The following PARD3 variants were observed in gnomAD, a reference collection of about 807,000 sequenced individuals.
PARD3 encodes partitioning defective 3 homolog.
A neutral mutation model predicts 155.4 loss-of-function variants in PARD3; 75 were observed. The ratio of observed to expected loss-of-function variants is 0.48; its 90% confidence interval spans 0.40 to 0.58. The LOEUF is 0.58. PARD3 is among the 20% of genes least tolerant of loss of function. PARD3 has a pLI of 0.00. For missense variants in PARD3, 1,642 were observed against 1,721.7 expected (o/e 0.95, Z 0.82); for synonymous variants, 576 against 610.5 (o/e 0.94, Z 0.83).
chr10:34,774,931 G>A (rs1341584441), intron 1 of PARD3, among the ~76,000 whole-genome samples: 3 of 152,176 alleles, frequency 2.0e-5, no homozygotes, highest in East Asian at 1.9e-4. Flanking sequence ...ACCTAGTTAC[G>A]AAGATGTATG....
At chr10:34,658,661 T>C (rs112895327) in intron 2 of PARD3, among the ~76,000 whole-genome samples, 5 of 152,310 alleles carry the variant, frequency 3.3e-5, no homozygotes, top group African/African-American at 1.2e-4. Context: ...TAATGACTAT[T>C]GCTGGGCAAT....
At chr10:34,522,864 T>C (rs1264451195) in intron 2 of PARD3, among the ~76,000 whole-genome samples, 1 of 152,110 alleles carries the variant, frequency 6.6e-6, no homozygotes, top group Non-Finnish European at 1.5e-5. Flanking sequence ...CAGAATAAAT[T>C]TGAGATGGGA....
intron 1 of PARD3, among the ~76,000 whole-genome samples, chr10:34,719,062 T>G (rs550825240): frequency 4.0e-4 from 61 of 152,338 alleles, no homozygotes; most frequent in Non-Finnish European, 7.5e-4. Flanking sequence ...ACTTGTGGTG[T>G]TGTCCTTATT....
chr10:34,696,953 C>A (rs2094183461), intron 1 of PARD3, among the ~76,000 whole-genome samples: 1 of 151,682 alleles, frequency 6.6e-6, no homozygotes, highest in Non-Finnish European at 1.5e-5. Context: ...GTGAACAAAG[C>A]ACATCCTGTG....
intron 1 of PARD3, among the ~76,000 whole-genome samples, chr10:34,726,323 C>T (rs751027992): frequency 2.0e-5 from 3 of 152,160 alleles, no homozygotes; most frequent in Non-Finnish European, 4.4e-5. Context: ...CAGTGGCTCA[C>T]GCCTGTAATC....
chr10:34,592,039 T>C (rs2088749000), intron 2 of PARD3, among the ~76,000 whole-genome samples: 3 of 152,148 alleles, frequency 2.0e-5, no homozygotes, highest in South Asian at 2.1e-4. Flanking sequence ...GTTCTTCACT[T>C]CTAGATTCCA....
At chr10:34,477,457 AG>A (rs1311015181) in intron 3 of PARD3, among the ~76,000 whole-genome samples, 1 of 152,228 alleles carries the variant, frequency 6.6e-6, no homozygotes, top group East Asian at 1.9e-4. Context: ...TGCTTTGAAG[AG>A]GGGATAAAAC....
chr10:34,271,100 T>C (rs1018421385), intron 21 of PARD3, among the ~76,000 whole-genome samples: 1 of 152,186 alleles, frequency 6.6e-6, no homozygotes, highest in Admixed American at 6.5e-5. Context: ...AGCAACACTT[T>C]AGACTGAATA....
At chr10:34,695,582 C>G (rs1420843975) in intron 2 of PARD3, among the ~76,000 whole-genome samples, 2 of 152,032 alleles carry the variant, frequency 1.3e-5, no homozygotes, top group Non-Finnish European at 2.9e-5. Flanking sequence ...TCCTCTTCCT[C>G]TTCCTCATTC....
chr10:34,189,404 G>C (rs1950612547), intron 22 of PARD3, among the ~76,000 whole-genome samples: 1 of 152,142 alleles, frequency 6.6e-6, no homozygotes, highest in Non-Finnish European at 1.5e-5. Context: ...CACTTTGTTG[G>C]TGGTGCAAAC....
intron 23 of PARD3, among the ~76,000 whole-genome samples, chr10:34,129,587 T>C (rs1309162211): frequency 6.6e-6 from 1 of 152,168 alleles, no homozygotes; most frequent in African/African-American, 2.4e-5. Context: ...TTGAAGGCTC[T>C]TCCTACATTT....
intron 12 of PARD3, among the ~76,000 whole-genome samples, chr10:34,362,835 A>G (rs1486484141): frequency 6.6e-6 from 1 of 152,224 alleles, no homozygotes; most frequent in Admixed American, 6.5e-5. Context: ...GAACTGCACT[A>G]CCTCAATATA....
At chr10:34,435,230 C>T (rs2076130684) in intron 5 of PARD3, among the ~76,000 whole-genome samples, 1 of 152,134 alleles carries the variant, frequency 6.6e-6, no homozygotes, top group Non-Finnish European at 1.5e-5. Flanking sequence ...ATCTCTGGTA[C>T]TTTTGTTGTA....
chr10:34,332,376 G>C (rs1835709973), intron 18 of PARD3, among the ~76,000 whole-genome samples: 1 of 152,028 alleles, frequency 6.6e-6, no homozygotes, highest in African/African-American at 2.4e-5. Context: ...GGCAATCCAG[G>C]TTATAGAACT....
chr10:34,463,307 AAAGGG>A (rs201093521), intron 4 of PARD3, among the ~76,000 whole-genome samples: 1,157 of 106,604 alleles, frequency 0.011, 22 homozygotes, highest in African/African-American at 0.04. Flanking sequence ...AGGGGAGGGG[AAAGGG>A]AAGGGGAAAG....
chr10:34,789,524 C>G (rs571788396), intron 1 of PARD3, among the ~76,000 whole-genome samples: 1 of 151,756 alleles, frequency 6.6e-6, no homozygotes, highest in African/African-American at 2.4e-5. Context: ...ATGCTGAGAC[C>G]CTGTCTCTAC....
chr10:34,424,702 A>G (rs1466772908), intron 5 of PARD3, among the ~76,000 whole-genome samples: 1 of 151,856 alleles, frequency 6.6e-6, no homozygotes, highest in Non-Finnish European at 1.5e-5. Flanking sequence ...TTTAGTAGAG[A>G]CGGGGTTTCG....
At chr10:34,201,715 A>C (rs994149739) in intron 22 of PARD3, among the ~76,000 whole-genome samples, 2 of 152,246 alleles carry the variant, frequency 1.3e-5, no homozygotes, top group Non-Finnish European at 2.9e-5. Flanking sequence ...TATGTTAAAA[A>C]ATAAAATGAA....
intron 15 of PARD3, chr10:34,344,368 TG>T: frequency 2.5e-6 from 2 of 802,120 alleles, no homozygotes; most frequent in Non-Finnish European, 3.0e-6. Context: ...ATGCAAGCTC[TG>T]CCTCCTGGGT....
Sources: allele counts gnomAD v4.1 joint callset (sites outside exome capture counted in the v4.1 genomes callset), GRCh38; gene constraint gnomAD v4.1.1; transcripts MANE v1.5; gene names NCBI Gene and HGNC (gene_info 2026-07-23, HGNC 2026-07-21).